Variants in KDM5A observed in about 807,000 individuals in gnomAD.
The protein encoded by KDM5A is lysine-specific demethylase 5A.
A neutral mutation model predicts 193.5 loss-of-function variants in KDM5A; 42 were observed. The ratio of observed to expected loss-of-function variants is 0.22; its 90% CI spans 0.17 to 0.28. The LOEUF is 0.28. Ranked by LOEUF, KDM5A falls within the 10% of genes least tolerant of loss-of-function variation. The probability of loss-of-function intolerance (pLI) is 1.00; values close to 1 mark genes in which losing one functional copy is unlikely to be tolerated. For missense variants in KDM5A, 1,692 were observed against 2,055.1 expected, an observed-to-expected ratio of 0.82 and a Z score of 3.42; for synonymous variants, 796 against 718.1, an observed-to-expected ratio of 1.11 and a Z score of -1.73.
intron 10 of KDM5A, among the ~76,000 whole-genome samples, chr12:335,754 G>A (rs1211572770): frequency 1.3e-5 from 2 of 152,100 alleles, no homozygotes; most frequent in Non-Finnish European, 2.9e-5. Context: ...GAGTCACAGA[G>A]AGGCGGGCTG....
intron 19 of KDM5A, among the ~76,000 whole-genome samples, 193 bp from the exon 20 acceptor site, chr12:313,387 A>C (rs1480530807): frequency 6.6e-6 from 1 of 152,204 alleles, no homozygotes; most frequent in African/African-American, 2.4e-5. Context: ...GAAAAGGTAT[A>C]AACATAAGTT....
intron 3 of KDM5A, 132 bp downstream of exon 3, chr12:383,899 C>T (rs772120823): frequency 1.9e-4 from 194 of 998,092 alleles, no homozygotes; most frequent in Non-Finnish European, 2.9e-4. Context: ...CAGGCATGCG[C>T]CACCATACCC....
intron 24 of KDM5A, among the ~76,000 whole-genome samples, chr12:306,727 A>C (rs1943511270): frequency 6.7e-6 from 1 of 150,196 alleles, no homozygotes; most frequent in African/African-American, 2.5e-5. Context: ...TGGGTGACAG[A>C]GCGAGACTCC....
chr12:293,087 A>G lies in KDM5A; in HGVS notation c.4538T>C (p.Val1513Ala). The G allele has an allele frequency of 1.3e-6, 2 of 1,594,516 alleles. No individual in the cohort carries two copies. Among genetic ancestry groups the G allele is most frequent in the Non-Finnish European group, 1.7e-6 (2 of 1,175,230 alleles). Residue 1513 changes from valine to alanine, a missense_variant, in exon 27 of 28, where the codon GTA becomes GCA. Val to Ala is a moderately conservative substitution (Grantham distance 64, BLOSUM62 0). Around this residue, in one of 11 missense-constraint regions of KDM5A, gnomAD observed 965 missense variants for 1,061.0 expected, o/e 0.91. Transcript: ENST00000399788. ...TTTTCCTTCTCCAAAAAGTTGCTCT[A>G]CCTTTTCTAGCTTCCGTTTCCGTTT... ...EKKRKRKLEKVEQLFGEGKQK... is the reference protein window; with the variant it reads ...EKKRKRKLEKAEQLFGEGKQK...
In KDM5A at chr12:356,490, C is replaced by T. The variant is rs371585081; in HGVS notation, c.720G>A (p.Gln240=). 6.2e-7 allele frequency: 1 copy of T among 1,613,850 alleles called. No homozygotes were observed. Among genetic ancestry groups the T allele is most frequent in the Non-Finnish European group, 8.5e-7 (1 of 1,179,830 alleles). The stretch of plus-strand genomic sequence containing the variant: ...CAACCTTGGGCCCAGCCCCAAAAAT[C>T]TGAAGTTTCTTCAGTTCCGTGTTTC... The part of the protein sequence containing the change: ...VSRNTELKKL[Q]IFGAGPKVVG... The change falls in exon 6 of 28, where the codon CAG becomes CAA. Residue 240 remains glutamine, a synonymous_variant. Transcript: ENST00000399788.
In KDM5A at chr12:387,376, A is replaced by G. The variant is rs150925398; in HGVS notation, c.166-1402T>C. On this transcript the variant is annotated intron_variant, in intron 1 of 27. Coordinates refer to ENST00000399788, the MANE Select transcript of KDM5A (RefSeq NM_001042603.3). ...TTTTTAAGTAAAAAAACTTTTTTTAATCAAAGTAACCGTGAATAGAATTTC... is the reference window on the plus strand; with the variant it reads ...TTTTTAAGTAAAAAAACTTTTTTTAGTCAAAGTAACCGTGAATAGAATTTC... The G allele has an allele frequency of 3.4e-3, 743 of 219,502 alleles. 5 individuals carry two copies. Among genetic ancestry groups the G allele is most frequent in the African/African-American group, 0.015 (640 of 42,368 alleles). 13.6% of individuals were successfully genotyped at this position (219,502 alleles called of 1,614,324 possible).
At chr12:359,844 AGGAG>A (rs1944273768) in intron 5 of KDM5A, among the ~76,000 whole-genome samples, 1 of 144,142 alleles carries the variant, frequency 6.9e-6, no homozygotes, top group Non-Finnish European at 1.5e-5. Flanking sequence ...GAGGGAGGAA[AGGAG>A]GGAGGGAGGA....
chr12:378,198 A>G (rs185390949), intron 3 of KDM5A, among the ~76,000 whole-genome samples: 177 of 152,298 alleles, frequency 1.2e-3, no homozygotes, highest in Non-Finnish European at 2.2e-3. Flanking sequence ...CAGCTAAAAG[A>G]ACTGAAAGTG....
chr12:338,895 T>C (rs904093240), intron 10 of KDM5A, among the ~76,000 whole-genome samples: 1 of 152,040 alleles, frequency 6.6e-6, no homozygotes, highest in African/African-American at 2.4e-5. Flanking sequence ...AAGACACAAC[T>C]TCCGGCAGGC....
At chr12:360,370 G>C (rs1944279725) in intron 5 of KDM5A, among the ~76,000 whole-genome samples, 1 of 152,060 alleles carries the variant, frequency 6.6e-6, no homozygotes, top group Non-Finnish European at 1.5e-5. Flanking sequence ...GATAGAAAAG[G>C]ACCAAAGATA....
At chr12:299,756 TAA>T (rs370144820) in intron 24 of KDM5A, among the ~76,000 whole-genome samples, 3 of 151,930 alleles carry the variant, frequency 2.0e-5, no homozygotes, top group African/African-American at 7.3e-5. Flanking sequence ...GCCAATTGGA[TAA>T]AGAGTCAAGA....
chr12:386,799 T>A (rs1273118518), intron 1 of KDM5A, among the ~76,000 whole-genome samples: 1 of 152,038 alleles, frequency 6.6e-6, no homozygotes, highest in Non-Finnish European at 1.5e-5. Context: ...TTCAAACCAG[T>A]CCCACCGTTT....
intron 22 of KDM5A, 104 bp downstream of exon 22, chr12:309,699 A>G (rs894915395): frequency 7.5e-6 from 9 of 1,194,680 alleles, no homozygotes; most frequent in African/African-American, 1.5e-5. Context: ...AAGCCAAAGT[A>G]TATGAAAATA....
In KDM5A at chr12:284,755, C is replaced by T. The variant is rs1943198677; in HGVS notation, c.*701G>A. ...GCTCCTTGCCTTGTAGTAGGTTCTTCTCCTCAGAATCCAATCTAGTCAGAT... is the reference window on the plus strand; with the variant it reads ...GCTCCTTGCCTTGTAGTAGGTTCTTTTCCTCAGAATCCAATCTAGTCAGAT... On this transcript the variant is annotated 3_prime_UTR_variant, in exon 28 of 28. Coordinates refer to ENST00000399788, the MANE Select transcript of KDM5A (RefSeq NM_001042603.3). 4.3e-6 allele frequency: 1 copy of T among 232,730 alleles called. No homozygotes were observed. The highest frequency in any genetic ancestry group is 5.6e-5 in the Admixed American group (1 of 17,760). 14.4% of individuals were successfully genotyped at this position (232,730 alleles called of 1,614,324 possible).
intron 16 of KDM5A, 130 bp downstream of exon 16, chr12:322,952 C>T (rs750308835): frequency 1.2e-5 from 14 of 1,175,084 alleles, no homozygotes; most frequent in Non-Finnish European, 1.7e-5. Context: ...TCAATCAACC[C>T]ATTAATCTCA....
intron 3 of KDM5A, among the ~76,000 whole-genome samples, chr12:375,326 C>T (rs1237377350): frequency 3.3e-5 from 5 of 152,136 alleles, no homozygotes; most frequent in African/African-American, 1.2e-4. Flanking sequence ...TTAATTTGAT[C>T]TTCAATCACT....
chr12:378,072 T>C (rs1944529480), intron 3 of KDM5A, among the ~76,000 whole-genome samples: 1 of 152,236 alleles, frequency 6.6e-6, no homozygotes, highest in African/African-American at 2.4e-5. Context: ...CCCATTCTCT[T>C]ACACCCATTC....
chr12:348,462 G>GT (rs1216890521), intron 10 of KDM5A, among the ~76,000 whole-genome samples: 1 of 152,094 alleles, frequency 6.6e-6, no homozygotes, highest in African/African-American at 2.4e-5. Flanking sequence ...ACGTTCACAC[G>GT]TATGTTTATT....
chr12:289,907 C>CTTTTTTTTT (rs750918968), intron 27 of KDM5A, among the ~76,000 whole-genome samples: 7 of 99,630 alleles, frequency 7.0e-5, no homozygotes, highest in East Asian at 8.9e-4. Flanking sequence ...TTCTTTCTTT[C>CTTTTTTTTT]TTTTTTTTTT....
Sources: allele counts gnomAD v4.1 joint callset (sites outside exome capture counted in the v4.1 genomes callset), GRCh38; gene constraint gnomAD v4.1.1; regional missense constraint gnomAD v4.1.1; transcripts MANE v1.5; gene names NCBI Gene and HGNC (gene_info 2026-07-23, HGNC 2026-07-21).